FMN2: variants seen among roughly 807,000 people sequenced by gnomAD.
FMN2 encodes the protein formin-2.
FMN2 carries 51 observed loss-of-function variants against 142.3 expected under a neutral mutation model. The observed-to-expected ratio is 0.36, with a 90% CI of 0.29 to 0.45. The LOEUF (loss-of-function observed/expected upper bound fraction) is 0.45. Among genes scored for constraint, FMN2 ranks in the 20% least tolerant of loss-of-function variants. The pLI is 1.00. For synonymous variants in FMN2, 882 were observed against 869.8 expected (o/e 1.01, Z -0.25); for missense variants, 1,936 against 2,122.8 (o/e 0.91, Z 1.73).
At chr1:240,426,317 A>AT (rs1674935322) in intron 15 of FMN2, among the ~76,000 whole-genome samples, 1 of 151,776 alleles carries the variant, frequency 6.6e-6, no homozygotes, top group African/African-American at 2.4e-5. Context: ...AGTAAAAAAA[A>AT]TCAAAGCTGT....
At chr1:240,371,445 A>G (rs1462885672) in intron 14 of FMN2, among the ~76,000 whole-genome samples, 1 of 152,188 alleles carries the variant, frequency 6.6e-6, no homozygotes, top group African/African-American at 2.4e-5. Context: ...AACCTCAATT[A>G]CATTCTTTAG....
At chr1:240,212,313 C>T (rs1019033000) in intron 6 of FMN2, among the ~76,000 whole-genome samples, 3 of 152,126 alleles carry the variant, frequency 2.0e-5, no homozygotes, top group Admixed American at 1.3e-4. Context: ...ACAGCTAGAC[C>T]CCTGTGACCC....
chr1:240,425,009 A>G lies in FMN2; in HGVS notation c.4911-13052A>G, dbSNP rs12078608. 2.6e-3 allele frequency among the ~76,000 whole-genome samples: 401 copies of G among 152,318 alleles called. 1 individual carries two copies. The highest frequency in any genetic ancestry group is 9.5e-3 in the African/African-American group (393 of 41,570). On this transcript the variant is annotated intron_variant, in intron 15 of 17. Coordinates refer to ENST00000319653, the MANE Select transcript of FMN2 (RefSeq NM_020066.5). ...TGAACATAAATGCTAAAAATTCCTT[A>G]AAGAGGTTAAATCCTAGTGGAGGGA...
At chr1:240,353,398 G>A (rs879595707) in intron 13 of FMN2, among the ~76,000 whole-genome samples, 7 of 152,154 alleles carry the variant, frequency 4.6e-5, no homozygotes, top group Non-Finnish European at 7.3e-5. Flanking sequence ...CAGTGGATGG[G>A]TGACCTGGAA....
At chr1:240,253,703 C>T (rs1668355936) in intron 6 of FMN2, among the ~76,000 whole-genome samples, 1 of 152,176 alleles carries the variant, frequency 6.6e-6, no homozygotes, top group South Asian at 2.1e-4. Context: ...ATTTGTGCAT[C>T]TGGTATAACA....
Position 240,207,012 on chromosome 1 carries a change from C to T in FMN2, c.2200C>T (p.Arg734Trp), listed in dbSNP as rs145706266. Residue 734 changes from arginine to tryptophan, a missense_variant, in exon 5 of 18, where the codon CGG becomes TGG. This residue lies in a region of FMN2 where 478 missense variants were observed against 462.8 expected (regional missense o/e 1.03). Transcript: ENST00000319653. ...EALRLEEKEV[R>W]HHRILEAKSI... is the part of the protein sequence containing the mutation. Reference sequence around the variant, plus strand: ...TCTCAGGTTAGAAGAAAAGGAAGTACGGCATCATAGGATTTTAGAGGCGAA... The same window carrying T: ...TCTCAGGTTAGAAGAAAAGGAAGTATGGCATCATAGGATTTTAGAGGCGAA... 194 of 1,614,006 alleles carry T rather than the reference C, an allele frequency of 1.2e-4. No individual in the cohort carries two copies. The highest frequency in any genetic ancestry group is 1.2e-3 in the Middle Eastern group (7 of 6,084).
intron 13 of FMN2, among the ~76,000 whole-genome samples, chr1:240,346,946 C>T (rs967562570): frequency 1.3e-5 from 2 of 152,082 alleles, no homozygotes; most frequent in African/African-American, 4.8e-5. Flanking sequence ...TTGGGAAAAA[C>T]AATCTGAGAA....
chr1:240,376,093 T>C (rs1673034145), intron 14 of FMN2, among the ~76,000 whole-genome samples: 1 of 152,282 alleles, frequency 6.6e-6, no homozygotes, highest in Non-Finnish European at 1.5e-5. Flanking sequence ...TTCCTGGTAC[T>C]ATATCTTGTT....
chr1:240,148,110 G>A (rs960914318), intron 2 of FMN2, among the ~76,000 whole-genome samples: 1 of 152,144 alleles, frequency 6.6e-6, no homozygotes, highest in African/African-American at 2.4e-5. Context: ...GATCATTATG[G>A]CTTTGGTTAA....
rs1025421542 is a variant in FMN2 at position 240,100,186 on chromosome 1, T to C, written c.1615+6462T>C. On this transcript the variant is annotated intron_variant, in intron 1 of 17. Transcript: ENST00000319653. The stretch of plus-strand genomic sequence containing the variant: ...TGATACTTTATAGAACTTATGTTGA[T>C]AGAAGAATAGCTATTCTTGTTTCTG... Among the ~76,000 whole-genome samples, 4 of 152,238 alleles carry C rather than the reference T, an allele frequency of 2.6e-5. No individual in the cohort carries two copies. In the East Asian group the frequency reaches 7.7e-4, roughly 29 times the overall value.
chr1:240,209,026 T>C (rs1219859793), intron 5 of FMN2, among the ~76,000 whole-genome samples: 1 of 152,182 alleles, frequency 6.6e-6, no homozygotes, highest in Non-Finnish European at 1.5e-5. Flanking sequence ...ATATTTTTCT[T>C]AAAATACATG....
chr1:240,144,623 G>T, intron 2 of FMN2: 1 of 1,283,826 alleles, frequency 7.8e-7, no homozygotes, highest in Non-Finnish European at 1.1e-6. Flanking sequence ...CACACCCAGG[G>T]CACAACGCAG....
intron 2 of FMN2, among the ~76,000 whole-genome samples, chr1:240,141,389 T>G (rs780432802): frequency 1.3e-5 from 2 of 152,146 alleles, no homozygotes; most frequent in African/African-American, 2.4e-5. Flanking sequence ...TCTCACTCTG[T>G]CATCCAGTTT....
At chr1:240,236,089 T>A (rs765648634) in intron 6 of FMN2, among the ~76,000 whole-genome samples, 4 of 152,220 alleles carry the variant, frequency 2.6e-5, no homozygotes, top group Non-Finnish European at 4.4e-5. Context: ...GTGTGATTCA[T>A]GCTTGAGCAA....
chr1:240,177,879 C>T, intron 2 of FMN2, 42 bp from the exon 3 acceptor site: 1 of 1,465,946 alleles, frequency 6.8e-7, no homozygotes, highest in Non-Finnish European at 9.0e-7. Context: ...TTTTTTGTAA[C>T]TGAATTAATA....
intron 1 of FMN2, among the ~76,000 whole-genome samples, chr1:240,114,575 T>A (rs1661944827): frequency 6.6e-6 from 1 of 152,208 alleles, no homozygotes. Context: ...CTAATGGATT[T>A]TCCATCCACT....
At chr1:240,099,299 A>AGTTTT (rs1215714541) in intron 1 of FMN2, among the ~76,000 whole-genome samples, 4 of 149,908 alleles carry the variant, frequency 2.7e-5, no homozygotes, top group African/African-American at 1.0e-4. Flanking sequence ...GTTGAGCCCC[A>AGTTTT]GTTTTGTTTT....
intron 14 of FMN2, among the ~76,000 whole-genome samples, chr1:240,389,288 TG>T (rs1022476365): frequency 7.2e-5 from 11 of 152,354 alleles, no homozygotes; most frequent in Non-Finnish European, 1.5e-4. Context: ...AAATATTTTT[TG>T]TACTTCTAGA....
intron 8 of FMN2, among the ~76,000 whole-genome samples, chr1:240,302,345 TCAGAAAA>T: frequency 6.6e-6 from 1 of 151,736 alleles, no homozygotes; most frequent in East Asian, 1.9e-4. Context: ...ACCTGGGCCC[TCAGAAAA>T]TCGGGACCCA....
Sources: gnomAD v4.1 joint callset for allele counts (sites outside exome capture counted in the v4.1 genomes callset) on GRCh38, gnomAD v4.1.1 for gene constraint, gnomAD v4.1.1 regional missense constraint, MANE v1.5 for transcripts, NCBI Gene and HGNC (gene_info 2026-07-23, HGNC 2026-07-21) for gene names.